HIVEP3: variants seen among roughly 807,000 people sequenced by gnomAD.
HIVEP3 encodes transcription factor HIVEP3.
Under a neutral mutation model 152.8 loss-of-function variants are expected in HIVEP3, and 49 were observed. The observed-to-expected ratio is 0.32, with a 90% CI of 0.26 to 0.41. The LOEUF is 0.41. Ranked by LOEUF, HIVEP3 falls within the 10% of genes least tolerant of loss-of-function variation. The pLI, the probability that HIVEP3 is intolerant of heterozygous loss-of-function variation, is 1.00. For missense variants in HIVEP3, 2,790 were observed against 3,103.3 expected, an observed-to-expected ratio of 0.90 and a Z score of 2.40; for synonymous variants, 1,269 against 1,289.0, an observed-to-expected ratio of 0.98 and a Z score of 0.33.
intron 3 of HIVEP3, among the ~76,000 whole-genome samples, chr1:41,594,972 A>G (rs772880155): frequency 1.2e-4 from 19 of 152,346 alleles, no homozygotes; most frequent in Admixed American, 5.9e-4. Context: ...TTGTCCCAAC[A>G]GCATTATTGA....
In HIVEP3 at chr1:41,873,264, T is replaced by C. The variant is rs939517682; in HGVS notation, c.-801+45149A>G. The stretch of plus-strand genomic sequence containing the variant: ...TCCTCTCTTCATCTGCCTTCAGAGG[T>C]AGTCCTGATTAACCTGTTGCCAGCA... On this transcript the variant is annotated intron_variant, in intron 1 of 8. Transcript: ENST00000372583. The surrounding 1 kb of genome is among the most constrained non-coding windows in gnomAD (Gnocchi z 4.2). Among the ~76,000 whole-genome samples, 1 of 152,206 alleles carries C rather than the reference T, an allele frequency of 6.6e-6. No individual in the cohort carries two copies. Among genetic ancestry groups the C allele is most frequent in the Non-Finnish European group, 1.5e-5 (1 of 68,036 alleles).
At chr1:42,017,789 G>A (rs1453036709) in intron 1 of HIVEP3, among the ~76,000 whole-genome samples, 1 of 151,982 alleles carries the variant, frequency 6.6e-6, no homozygotes, top group African/African-American at 2.4e-5. Context: ...CTAGGAGTGG[G>A]GAATTGCGGG....
intron 1 of HIVEP3, among the ~76,000 whole-genome samples, chr1:41,931,333 T>C (rs770104220): frequency 1.3e-5 from 2 of 152,068 alleles, no homozygotes; most frequent in Non-Finnish European, 2.9e-5. Flanking sequence ...TGCATATAGA[T>C]ATCCAACTGT....
chr1:42,002,367 C>T (rs1645433006), intron 1 of HIVEP3, among the ~76,000 whole-genome samples: 1 of 152,168 alleles, frequency 6.6e-6, no homozygotes, highest in African/African-American at 2.4e-5. Flanking sequence ...CAGACTCCTG[C>T]TGGCTGTGTC....
intron 1 of HIVEP3, among the ~76,000 whole-genome samples, chr1:41,946,492 C>G (rs924624865): frequency 6.6e-6 from 1 of 152,234 alleles, no homozygotes; most frequent in Non-Finnish European, 1.5e-5. Flanking sequence ...CCAGTCACTA[C>G]ATACTTCTCT....
At position 41,895,197 on chromosome 1, in the gene HIVEP3, C is replaced by CTA. The variant is rs149230097; in HGVS notation, c.-801+23214_-801+23215dup. Among the ~76,000 whole-genome samples the CTA allele has an allele frequency of 2.5e-3, 380 of 152,304 alleles. 2 individuals carry two copies. The highest frequency in any genetic ancestry group is 8.8e-3 in the African/African-American group (364 of 41,576). On this transcript the variant is annotated intron_variant, in intron 1 of 8. Transcript: ENST00000372583. ...GAAGACCAGGGTGGCCCCAAGCAGG[C>CTA]TATGTGCAGGCTCCCCTGTCCTCTA... is the stretch of plus-strand genomic sequence containing the variant.
intron 6 of HIVEP3, among the ~76,000 whole-genome samples, chr1:41,519,415 A>G (rs60412763): frequency 0.02 from 3,111 of 152,314 alleles, 108 homozygotes; most frequent in African/African-American, 0.072. Flanking sequence ...TGTGGACAGG[A>G]GCGTTCTAGG....
At chr1:42,035,277 C>G (rs1302421383) in intron 1 of HIVEP3, among the ~76,000 whole-genome samples, 2 of 152,176 alleles carry the variant, frequency 1.3e-5, no homozygotes, top group African/African-American at 4.8e-5. Flanking sequence ...AGCAGCCTCC[C>G]GGCCCAGAGC....
intron 1 of HIVEP3, among the ~76,000 whole-genome samples, chr1:41,878,320 T>A (rs1219429458): frequency 2.0e-5 from 3 of 152,174 alleles, no homozygotes; most frequent in Non-Finnish European, 4.4e-5. Context: ...ATTTTAAGGA[T>A]GTTCTATTCT....
At chr1:41,997,398 A>G (rs924858213) in intron 1 of HIVEP3, among the ~76,000 whole-genome samples, 1 of 152,210 alleles carries the variant, frequency 6.6e-6, no homozygotes. Flanking sequence ...CGAACATGAA[A>G]AGAGATGGAC....
At chr1:41,889,668 T>C (rs1644416039) in intron 1 of HIVEP3, among the ~76,000 whole-genome samples, 1 of 152,128 alleles carries the variant, frequency 6.6e-6, no homozygotes, top group African/African-American at 2.4e-5. Flanking sequence ...CATATGTTAG[T>C]GTGTATCGAT....
At chr1:41,888,038 T>A (rs936135917) in intron 1 of HIVEP3, among the ~76,000 whole-genome samples, 53 of 132,548 alleles carry the variant, frequency 4.0e-4, no homozygotes, top group Non-Finnish European at 7.2e-4. Flanking sequence ...CCAGCTGAAC[T>A]TTTTTTTTTT....
intron 2 of HIVEP3, among the ~76,000 whole-genome samples, chr1:41,648,103 C>T (rs1645488564): frequency 1.3e-5 from 2 of 152,206 alleles, no homozygotes; most frequent in Admixed American, 1.3e-4. Context: ...AAGATCTCAC[C>T]CACTGCAGGG....
At position 41,583,488 on chromosome 1, in the gene HIVEP3, G is replaced by A. The variant is rs770506525; in HGVS notation, c.1310C>T (p.Thr437Ile). The A allele has an allele frequency of 1.7e-5, 28 of 1,613,836 alleles. No individual in the cohort carries two copies. Among genetic ancestry groups the A allele is most frequent in the African/African-American group, 2.7e-5 (2 of 74,890 alleles). The change falls in exon 4 of 9, where the codon ACC becomes ATC. Residue 437 changes from threonine (T) to isoleucine (I), a missense_variant. Physicochemically the swap from Thr to Ile is moderately conservative, Grantham distance 89. This residue lies in a region of HIVEP3 where 134 missense variants were observed against 242.5 expected (regional missense o/e 0.55). Transcript: ENST00000372583. This position sits in a 1 kb window ranked among gnomAD's most constrained non-coding sequence, Gnocchi z 6.9. ...GGTGGACAGGGGCAGGAGGGGCTGG[G>A]TGGAGGTGGCTGTCAGCATGGCGGT... ...QRTAMLTATS[T>I]QPLLPLSTED...
intron 1 of HIVEP3, among the ~76,000 whole-genome samples, chr1:41,901,569 C>T (rs547415690): frequency 1.3e-5 from 2 of 152,218 alleles, no homozygotes; most frequent in Admixed American, 1.3e-4. Context: ...AGGCTGGTGC[C>T]TCAGAAGCCC....
rs779945794 is a variant in HIVEP3, at chr1:41,584,492, T to G, written c.306A>C (p.Pro102=). The G allele has an allele frequency of 6.2e-7, 1 of 1,614,090 alleles. No homozygotes were observed. The highest frequency in any genetic ancestry group is 8.5e-7 in the Non-Finnish European group (1 of 1,180,018). Residue 102 remains proline (P), a synonymous_variant, in exon 4 of 9, where the codon CCA becomes CCC. Coordinates refer to ENST00000372583, the MANE Select transcript of HIVEP3 (RefSeq NM_024503.5). This position sits in a 1 kb window ranked among gnomAD's most constrained non-coding sequence, Gnocchi z 5.2. ...CAGGTTTGCCAGGCGACATGAATGC[T>G]GGTGTCAGAGGGTGCTGCGGAAGCT... The part of the protein sequence containing the change: ...ISQLPQHPLT[P]AFMSPGKPEH...
intron 2 of HIVEP3, among the ~76,000 whole-genome samples, chr1:41,696,658 TCCCAA>T (rs1646281477): frequency 6.6e-6 from 1 of 151,992 alleles, no homozygotes; most frequent in Non-Finnish European, 1.5e-5. Context: ...CTCTTGTTCC[TCCCAA>T]GCACAGAGAC....
chr1:41,698,568 G>A (rs1646312110), intron 2 of HIVEP3, among the ~76,000 whole-genome samples: 1 of 152,172 alleles, frequency 6.6e-6, no homozygotes, highest in South Asian at 2.1e-4. Context: ...TGTGTGCTAA[G>A]CTTCCATGAA....
In HIVEP3 at chr1:41,533,519, C is replaced by T. The variant is rs1395910330; in HGVS notation, c.5208-8609G>A. On this transcript the variant is annotated intron_variant, in intron 5 of 8. Transcript: ENST00000372583. The surrounding 1 kb of genome is among the most constrained non-coding windows in gnomAD (Gnocchi z 4.3). Reference sequence around the variant, plus strand: ...GGGCTGTCCACACCTCCTCCCCACTCTATGCTTTTGAGCCGCTGCAGCCCA... The same window carrying T: ...GGGCTGTCCACACCTCCTCCCCACTTTATGCTTTTGAGCCGCTGCAGCCCA... Among the ~76,000 whole-genome samples the T allele has an allele frequency of 6.6e-6, 1 of 152,092 alleles. No individual in the cohort carries two copies. The highest frequency in any genetic ancestry group is 1.5e-5 in the Non-Finnish European group (1 of 68,036).
Sources: allele counts gnomAD v4.1 joint callset (sites outside exome capture counted in the v4.1 genomes callset), GRCh38; gene constraint gnomAD v4.1.1; regional missense constraint gnomAD v4.1.1; non-coding constraint Gnocchi (gnomAD v3.1); transcripts MANE v1.5; gene names NCBI Gene and HGNC (gene_info 2026-07-23, HGNC 2026-07-21).